ARHGEF4: variants seen among roughly 807,000 people sequenced by gnomAD.
ARHGEF4 encodes Rho guanine nucleotide exchange factor 4, also known as APC-stimulated guanine nucleotide exchange factor 1.
ARHGEF4 carries 119 observed loss-of-function variants against 162.0 expected under a neutral mutation model. The ratio of observed to expected loss-of-function variants is 0.73; its 90% CI spans 0.63 to 0.86. ARHGEF4 has a LOEUF of 0.86. Among genes scored for constraint, ARHGEF4 ranks in the 40% least tolerant of loss-of-function variants. The pLI is 0.00. For synonymous variants in ARHGEF4, 1,014 were observed against 979.9 expected (o/e 1.03, Z -0.65); for missense variants, 2,488 against 2,456.0 (o/e 1.01, Z -0.28).
intron 5 of ARHGEF4, among the ~76,000 whole-genome samples, chr2:131,030,981 G>A (rs568498952): frequency 6.3e-4 from 96 of 152,352 alleles, no homozygotes; most frequent in Non-Finnish European, 1.0e-3. Flanking sequence ...GGGGGTTAGC[G>A]TGACTTTAAT....
At chr2:130,880,844 T>C (rs1325098118) in intron 1 of ARHGEF4, among the ~76,000 whole-genome samples, 1 of 152,080 alleles carries the variant, frequency 6.6e-6, no homozygotes, top group African/African-American at 2.4e-5. Flanking sequence ...TTTTTTTTTT[T>C]TTTAAATAAT....
In ARHGEF4 at chr2:130,915,640, C is replaced by G. The variant is rs909262780; in HGVS notation, c.1694C>G (p.Ser565Ter). 1 of 1,550,472 alleles carries G rather than the reference C, an allele frequency of 6.4e-7. No homozygotes were observed. Among genetic ancestry groups the G allele is most frequent in the Non-Finnish European group, 8.7e-7 (1 of 1,146,990 alleles). ...CAGAAATCAAGCGCAATAGACACTTCAAAGGCAGCCGAAGAAGCCATGGTT... is the reference window on the plus strand; with the variant it reads ...CAGAAATCAAGCGCAATAGACACTTGAAAGGCAGCCGAAGAAGCCATGGTT... The part of the protein sequence containing the change: ...TTQKSSAIDT[S>*]KAAEEAMVLD... The change falls in exon 2 of 14, where the codon TCA becomes TGA. Residue 565 changes from serine to a stop codon, truncating the protein, a stop_gained. Coordinates refer to ENST00000409359, the MANE Select transcript of ARHGEF4 (RefSeq NM_001367493.1). LOFTEE classifies it high-confidence loss of function.
chr2:130,972,549 A>G (rs777376565), intron 4 of ARHGEF4, among the ~76,000 whole-genome samples: 3 of 152,216 alleles, frequency 2.0e-5, no homozygotes, highest in Admixed American at 6.5e-5. Flanking sequence ...TTGTGGTCTC[A>G]AAGTTGTTGA....
chr2:130,859,402 TTTCAAATCAAATTGTG>T (rs1325210164), intron 1 of ARHGEF4, among the ~76,000 whole-genome samples: 1 of 99,630 alleles, frequency 1.0e-5, no homozygotes, highest in African/African-American at 2.8e-5. Flanking sequence ...AAAAAAAAAA[TTTCAAATCAAATTGTG>T]TATCTGATAA....
In ARHGEF4 at chr2:130,859,420, A is replaced by G. The variant is rs1384881722; in HGVS notation, c.39+22428A>G. ...AAAAAAATTTCAAATCAAATTGTGT[A>G]TCTGATAAAGAATTTGTATCCAGAA... On this transcript the variant is annotated intron_variant, in intron 1 of 13. Coordinates refer to ENST00000409359, the MANE Select transcript of ARHGEF4 (RefSeq NM_001367493.1). Among the ~76,000 whole-genome samples, 2 of 95,642 alleles carry G rather than the reference A, an allele frequency of 2.1e-5. 1 individual carries two copies. 62.7% of individuals were successfully genotyped at this position (95,642 alleles called of 152,430 possible).
At chr2:130,854,642 C>A (rs1681632039) in intron 1 of ARHGEF4, among the ~76,000 whole-genome samples, 1 of 152,176 alleles carries the variant, frequency 6.6e-6, no homozygotes, top group African/African-American at 2.4e-5. Flanking sequence ...CCAGTGCCCC[C>A]ATCTCATCTC....
chr2:131,029,026 A>G (rs1376178213), intron 5 of ARHGEF4, among the ~76,000 whole-genome samples: 2 of 152,128 alleles, frequency 1.3e-5, no homozygotes, highest in Non-Finnish European at 2.9e-5. Context: ...TCAAAGGCCC[A>G]TGAACTCCTC....
chr2:130,897,865 A>C (rs1316065959), intron 1 of ARHGEF4, among the ~76,000 whole-genome samples: 1 of 152,184 alleles, frequency 6.6e-6, no homozygotes, highest in Non-Finnish European at 1.5e-5. Context: ...ACACAAAGCA[A>C]TTGGGAAGAT....
chr2:130,905,609 AT>A (rs1321671425), intron 1 of ARHGEF4, among the ~76,000 whole-genome samples: 1 of 151,200 alleles, frequency 6.6e-6, no homozygotes, highest in Non-Finnish European at 1.5e-5. Flanking sequence ...CTTATCCACC[AT>A]TTTATTTTCT....
intron 1 of ARHGEF4, 49 bp downstream of exon 1, chr2:130,837,041 C>G (rs1285714524): frequency 8.2e-7 from 1 of 1,225,044 alleles, no homozygotes; most frequent in African/African-American, 1.6e-5. Context: ...GCGCCCTGCG[C>G]GGGTGGGGAG....
intron 6 of ARHGEF4, chr2:131,039,739 C>T: frequency 4.5e-6 from 6 of 1,339,276 alleles, no homozygotes; most frequent in South Asian, 1.8e-5. Flanking sequence ...CTGCAGCAAG[C>T]GCTCCAGCCT....
chr2:130,994,426 T>C (rs564265141), intron 4 of ARHGEF4, among the ~76,000 whole-genome samples: 2 of 152,358 alleles, frequency 1.3e-5, no homozygotes, highest in Admixed American at 1.3e-4. Flanking sequence ...ACCTATCTTA[T>C]AAAAGCCAAA....
At chr2:130,852,915 A>G (rs112430956) in intron 1 of ARHGEF4, among the ~76,000 whole-genome samples, 7 of 152,318 alleles carry the variant, frequency 4.6e-5, no homozygotes, top group African/African-American at 1.4e-4. Flanking sequence ...CTGGGAGCTC[A>G]GCAGCAGCCG....
intron 1 of ARHGEF4, among the ~76,000 whole-genome samples, chr2:130,841,751 T>C (rs890338507): frequency 1.3e-5 from 2 of 152,230 alleles, no homozygotes; most frequent in African/African-American, 4.8e-5. Context: ...TTAGGGATGT[T>C]GTACAGGTTG....
intron 4 of ARHGEF4, among the ~76,000 whole-genome samples, chr2:131,004,355 C>T (rs777503722): frequency 2.6e-5 from 4 of 152,084 alleles, no homozygotes; most frequent in Non-Finnish European, 2.9e-5. Flanking sequence ...TTAGTAGAGA[C>T]GGGGTTTAAC....
chr2:130,889,107 A>AT (rs1457094402), intron 1 of ARHGEF4, among the ~76,000 whole-genome samples: 1 of 148,242 alleles, frequency 6.7e-6, no homozygotes, highest in Non-Finnish European at 1.5e-5. Flanking sequence ...CTCCATCTCA[A>AT]AAAAAAAAAA....
chr2:130,974,107 T>TAAAAAAAA lies in ARHGEF4; in HGVS notation c.3985+27480_3985+27487dup, dbSNP rs750848622. Reference sequence around the variant, plus strand: ...CAACATGGCAAAACCTTGTCTCTACTAAAAAAAAAAAAAAATTAGCCAGGC... The same window carrying TAAAAAAAA: ...CAACATGGCAAAACCTTGTCTCTACTAAAAAAAAAAAAAAAAAAAAAAATTAGCCAGGC... On this transcript the variant is annotated intron_variant, in intron 4 of 13. Transcript: ENST00000409359. Among the ~76,000 whole-genome samples, 286 of 134,998 alleles carry TAAAAAAAA rather than the reference T, an allele frequency of 2.1e-3. 1 individual carries two copies. The highest frequency in any genetic ancestry group is 7.3e-3 in the African/African-American group (266 of 36,662). The allele number at this position is 134,998 out of a possible 152,430, so 88.6% of individuals were successfully genotyped here.
At chr2:130,922,383 AAG>A (rs1681928581) in intron 2 of ARHGEF4, among the ~76,000 whole-genome samples, 1 of 152,098 alleles carries the variant, frequency 6.6e-6, no homozygotes, top group Non-Finnish European at 1.5e-5. Flanking sequence ...AAAAAAAAAA[AAG>A]AGTTTATTCA....
rs183717608 is a variant in ARHGEF4, at chr2:130,969,548, G to A, written c.3985+22913G>A. On this transcript the variant is annotated intron_variant, in intron 4 of 13. Coordinates refer to ENST00000409359, the MANE Select transcript of ARHGEF4 (RefSeq NM_001367493.1). ...CGGGAGGTGGAGCTTGCAGTGAGCC[G>A]AGATCGCGCCACTGCACTCCAGCCT... is the stretch of plus-strand genomic sequence containing the variant. 3.5e-4 allele frequency among the ~76,000 whole-genome samples: 53 copies of A among 151,824 alleles called. No homozygotes were observed. In the East Asian group the frequency reaches 9.1e-3, roughly 26 times the overall value.
Sources: allele counts gnomAD v4.1 joint callset (sites outside exome capture counted in the v4.1 genomes callset), GRCh38; gene constraint gnomAD v4.1.1; transcripts MANE v1.5; gene names NCBI Gene and HGNC (gene_info 2026-07-23, HGNC 2026-07-21).